The following DALRD3 variants were observed in gnomAD, a reference collection of about 807,000 sequenced individuals.
The protein encoded by DALRD3 is DALR anticodon-binding domain-containing protein 3.
In DALRD3, 47 loss-of-function variants were observed where a neutral mutation model predicts 56.7. That is an observed-to-expected ratio of 0.83 (90% confidence interval 0.66 to 1.06). DALRD3 has a LOEUF of 1.06. DALRD3 is among the 50% of genes least tolerant of loss of function. The pLI is 0.00. For missense variants in DALRD3, 787 were observed against 724.0 expected (o/e 1.09, Z -1.00); for synonymous variants, 347 against 308.5 (o/e 1.12, Z -1.31).
rs949932786 is a variant in DALRD3, at chr3:49,016,925, CCT to C, written c.928-80_928-79del. 2.6e-6 allele frequency: 4 copies of C among 1,528,710 alleles called. No homozygotes were observed. The Admixed American group carries it at 5.1e-5, about 19-fold the overall frequency. 94.7% of individuals were successfully genotyped at this position (1,528,710 alleles called of 1,614,324 possible). A position where few individuals can be genotyped will look rare whatever the true frequency, so the allele number is the denominator to read the frequency against. ...TCCCTTGAGGAGCCCAAATCTGGTG[CCT>C]CTACTCAGCCCAGACTCCCTCAAAT... On this transcript the variant is annotated intron_variant, in intron 5 of 11. Coordinates refer to ENST00000341949, the MANE Select transcript of DALRD3 (RefSeq NM_001009996.3).
chr3:49,017,017 T>C (rs1173841318), intron 5 of DALRD3, 170 bp from the exon 6 acceptor site: 10 of 963,278 alleles, frequency 1.0e-5, no homozygotes, highest in Non-Finnish European at 1.2e-5. Context: ...TTCATCCTTC[T>C]CAACCTGGTC....
rs762809027 is a variant in DALRD3, at chr3:49,018,542, A to G, written c.23T>C (p.Val8Ala). ...GTTGAGGGCCCCCAGCGTCTCCCCG[A>G]CCCCAAGGCGCCTGGTCGCCATGGT... The part of the protein sequence containing the change: MATRRLG[V>A]GETLGALNAA... The change falls in exon 1 of 12, where the codon GTC (valine) becomes GCC (alanine). Residue 8 changes from valine to alanine, a missense_variant. Transcript: ENST00000341949. The G allele has an allele frequency of 2.5e-6, 4 of 1,579,186 alleles. No individual in the cohort carries two copies. The highest frequency in any genetic ancestry group is 3.4e-6 in the Non-Finnish European group (4 of 1,163,462).
chr3:49,017,989 A>C, intron 2 of DALRD3, 34 bp downstream of exon 2: 1 of 1,478,728 alleles, frequency 6.8e-7, no homozygotes, highest in South Asian at 1.3e-5. Flanking sequence ...CGGCAGTCCC[A>C]CTTTCTCCAT....
rs1329847615 is a variant in DALRD3, at chr3:49,018,055, G to A, written c.429C>T (p.Ala143=). The change falls in exon 2 of 12, where the codon GCC becomes GCT. Residue 143 remains alanine, a synonymous_variant. Coordinates refer to ENST00000341949, the MANE Select transcript of DALRD3 (RefSeq NM_001009996.3). ...CGCGCAGGGCTCGCGCCAGGTGATC[G>A]GCCACGAGCACCGTACGCAGCTGGC... ...RLSQLRTVLV[A]DHLARALRAH... 3 of 1,490,626 alleles carry A rather than the reference G, an allele frequency of 2.0e-6. No homozygotes were observed. Among genetic ancestry groups the A allele is most frequent in the Non-Finnish European group, 1.8e-6 (2 of 1,130,640 alleles). The allele number at this position is 1,490,626 out of a possible 1,614,324, so 92.3% of individuals were successfully genotyped here. A position where few individuals can be genotyped will look rare whatever the true frequency, so the allele number is the denominator to read the frequency against.
upstream of DALRD3, chr3:49,018,875 C>G (rs191234850): frequency 8.1e-5 from 80 of 985,456 alleles, no homozygotes; most frequent in African/African-American, 1.2e-3. Flanking sequence ...GGTACCGTCT[C>G]TTCTCATCGA....
At chr3:49,017,389 A>G (rs1393176984) in intron 4 of DALRD3, 33 bp from the exon 5 acceptor site, 2 of 1,614,208 alleles carry the variant, frequency 1.2e-6, no homozygotes, top group East Asian at 2.2e-5. Context: ...GTGGAAGTAC[A>G]GTATACTTGG....
At chr3:49,017,987 C>T in intron 2 of DALRD3, 36 bp downstream of exon 2, 2 of 1,477,692 alleles carry the variant, frequency 1.4e-6, no homozygotes, top group Non-Finnish European at 1.8e-6. Flanking sequence ...CCCGGCAGTC[C>T]CACTTTCTCC....
rs1464203791 is a variant in DALRD3 at position 49,018,575 on chromosome 3, A to G, written c.-11T>C. The G allele has an allele frequency of 1.9e-6, 3 of 1,561,872 alleles. No homozygotes were observed. The highest frequency in any genetic ancestry group is 1.2e-5 in the South Asian group (1 of 84,918). On this transcript the variant is annotated 5_prime_UTR_variant, in exon 1 of 12. Transcript: ENST00000341949. ...GCGCCTGGTCGCCATGGTGACCGGA[A>G]GGAGTAAGCGGAACCGGAAAAAAAT...
Position 49,016,239 on chromosome 3 carries a change from ACT to A in DALRD3, c.1246_1247del (p.Ser416LeufsTer4), listed in dbSNP as rs773777921. The A allele has an allele frequency of 3.7e-6, 6 of 1,614,004 alleles. No individual in the cohort carries two copies. The highest frequency in any genetic ancestry group is 2.7e-5 in the African/African-American group (2 of 74,896). ...GACCTTGTTCCATACTACACTTGTA[ACT>A]CTCAAAGAGTGTGGCAAGACGGGCA... ...NCARLATLFE[S>X]YKCSMEQGLY... is the part of the protein sequence containing the mutation. On this transcript the variant is annotated frameshift_variant, in exon 9 of 12. Coordinates refer to ENST00000341949, the MANE Select transcript of DALRD3 (RefSeq NM_001009996.3). LOFTEE classifies it high-confidence loss of function.
chr3:49,018,385 C>G lies in DALRD3; in HGVS notation c.165+15G>C, dbSNP rs2093117140. Reference sequence around the variant, plus strand: ...CCATCTCCCGGCCGCACGGCCCCGCCCGGCTCACGCCCACCTGGCCGTCAT... The same window carrying G: ...CCATCTCCCGGCCGCACGGCCCCGCGCGGCTCACGCCCACCTGGCCGTCAT... On this transcript the variant is annotated intron_variant, in intron 1 of 11. Coordinates refer to ENST00000341949, the MANE Select transcript of DALRD3 (RefSeq NM_001009996.3). 3.2e-6 allele frequency: 5 copies of G among 1,550,194 alleles called. No homozygotes were observed. In the African/African-American group the frequency reaches 4.1e-5, roughly 13 times the overall value.
chr3:49,019,134 C>A (rs2093128890), upstream of DALRD3: 1 of 629,018 alleles, frequency 1.6e-6, no homozygotes. Context: ...AGTGCAGTGG[C>A]ACGATCTCGG....
intron 10 of DALRD3, 31 bp from the exon 11 acceptor site, chr3:49,015,903 C>CTCTT (rs1190533002): frequency 1.9e-6 from 3 of 1,614,102 alleles, no homozygotes; most frequent in Non-Finnish European, 8.5e-7. Context: ...ACTGGCCCAT[C>CTCTT]TCTTTGCTCT....
At chr3:49,016,744 T>C (rs1389270737) in intron 6 of DALRD3, 30 bp downstream of exon 6, 4 of 1,613,882 alleles carry the variant, frequency 2.5e-6, no homozygotes, top group Non-Finnish European at 3.4e-6. Context: ...TACCCTGGCT[T>C]AGGTTGGTGT....
In DALRD3 at chr3:49,015,635, G is replaced by A; in HGVS notation, c.1585C>T (p.His529Tyr). ...AGACCCAGCATAGCCAGGCCAGTAT[G>A]GAGCACCTCACGCACAGCTCTCAGA... ...QLLRAVREVL[H>Y]TGLAMLGLPP... The change falls in exon 12 of 12, where the codon CAT (histidine) becomes TAT (tyrosine). Residue 529 changes from histidine (H) to tyrosine (Y), a missense_variant. Physicochemically the swap from His to Tyr is moderately conservative, Grantham distance 83 (BLOSUM62 2). Transcript: ENST00000341949. 1 of 1,614,120 alleles carries A rather than the reference G, an allele frequency of 6.2e-7. No individual in the cohort carries two copies. Among genetic ancestry groups the A allele is most frequent in the Non-Finnish European group, 8.5e-7 (1 of 1,180,026 alleles).
In DALRD3 at chr3:49,017,713, C is replaced by T. The variant is rs1373962573; in HGVS notation, c.618G>A (p.Arg206=). ...TGCCTAGGATGCCAGGGGACAGTGT[C>T]CTCCCGTCATTAGCAGAGGTAAGTT... ...LEELTSANDG[R]TLSPGILGRL... is the part of the protein sequence containing the mutation. Residue 206 remains arginine, a synonymous_variant, in exon 3 of 12, where the codon AGG becomes AGA. Coordinates refer to ENST00000341949, the MANE Select transcript of DALRD3 (RefSeq NM_001009996.3). The T allele has an allele frequency of 1.2e-5, 19 of 1,614,028 alleles. No individual in the cohort carries two copies. Among genetic ancestry groups the T allele is most frequent in the Non-Finnish European group, 1.4e-5 (17 of 1,180,044 alleles).
At chr3:49,016,134 C>G in intron 9 of DALRD3, 24 bp downstream of exon 9, 32 of 1,611,872 alleles carry the variant, frequency 2.0e-5, no homozygotes, top group Non-Finnish European at 2.6e-5. Flanking sequence ...CCTCCTTGTG[C>G]CAGCTACCAG....
chr3:49,020,478 T>G (rs1296454704), upstream of DALRD3: 1 of 386,282 alleles, frequency 2.6e-6, no homozygotes, highest in African/African-American at 2.1e-5. Context: ...GTTCCAGAGA[T>G]GGCCACCAGC....
chr3:49,017,790 C>T lies in DALRD3; in HGVS notation c.541G>A (p.Ala181Thr), dbSNP rs1354555061. Residue 181 changes from alanine (A) to threonine (T), a missense_variant, in exon 3 of 12, where the codon GCT becomes ACT. Coordinates refer to ENST00000341949, the MANE Select transcript of DALRD3 (RefSeq NM_001009996.3). Reference protein sequence around the residue: ...FLQQLRVDWPAASERASSHTL... With the variant: ...FLQQLRVDWPTASERASSHTL... ...TGGGAGGAAGCTCTCTCCGAGGCAG[C>T]GGGCCAGTCCACCCGCAGTTGCTGC... 3 of 1,613,176 alleles carry T rather than the reference C, an allele frequency of 1.9e-6. No homozygotes were observed. The African/African-American group carries it at 4.0e-5, about 22-fold the overall frequency.
At chr3:49,019,102 T>G, upstream of DALRD3, 1 of 897,308 alleles carries the variant, frequency 1.1e-6, no homozygotes, top group South Asian at 5.1e-5. Flanking sequence ...AGACGGAGTC[T>G]TGCTCTTGTC....
Sources: allele counts gnomAD v4.1 joint callset, GRCh38; gene constraint gnomAD v4.1.1; transcripts MANE v1.5; gene names NCBI Gene and HGNC (gene_info 2026-07-23, HGNC 2026-07-21).